The following GRID2 variants were observed in gnomAD, a reference collection of about 807,000 sequenced individuals.
GRID2 encodes the protein glutamate receptor ionotropic, delta-2.
GRID2 carries 33 observed loss-of-function variants against 114.8 expected under a neutral mutation model. The ratio of observed to expected loss-of-function variants is 0.29; its 90% confidence interval spans 0.22 to 0.38. The LOEUF is 0.38. Ranked by LOEUF, GRID2 falls within the 10% of genes least tolerant of loss-of-function variation. The pLI, the probability that GRID2 is intolerant of heterozygous loss-of-function variation, is 1.00. For missense variants in GRID2, 1,184 were observed against 1,257.7 expected (o/e 0.94, Z 0.89); for synonymous variants, 505 against 449.9 (o/e 1.12, Z -1.55).
chr4:93,285,741 C>A (rs1579545870), intron 8 of GRID2, among the ~76,000 whole-genome samples: 1 of 151,920 alleles, frequency 6.6e-6, no homozygotes, highest in African/African-American at 2.4e-5. Context: ...AATTAAAATT[C>A]TGTCTTTTTA....
intron 2 of GRID2, among the ~76,000 whole-genome samples, chr4:92,596,932 T>A (rs1215984315): frequency 6.6e-6 from 1 of 151,990 alleles, no homozygotes; most frequent in Admixed American, 6.6e-5. Context: ...AGGAAAGCTG[T>A]GGATTTTTAA....
chr4:93,108,474 A>G (rs1275630376), intron 3 of GRID2, among the ~76,000 whole-genome samples: 1 of 152,176 alleles, frequency 6.6e-6, no homozygotes, highest in African/African-American at 2.4e-5. Context: ...TTTATTCTCT[A>G]GTCATGCTCT....
chr4:93,622,439 GC>G, intron 13 of GRID2, among the ~76,000 whole-genome samples: 1 of 152,166 alleles, frequency 6.6e-6, no homozygotes, highest in East Asian at 1.9e-4. Flanking sequence ...ATACTCCCAG[GC>G]CTTAAACATC....
chr4:93,037,313 G>T (rs1725020837), intron 2 of GRID2, among the ~76,000 whole-genome samples: 1 of 152,114 alleles, frequency 6.6e-6, no homozygotes, highest in African/African-American at 2.4e-5. Flanking sequence ...CTCTATTAAA[G>T]TTACACAGAC....
At chr4:92,409,672 T>C (rs1156794519) in intron 1 of GRID2, among the ~76,000 whole-genome samples, 1 of 152,152 alleles carries the variant, frequency 6.6e-6, no homozygotes, top group Non-Finnish European at 1.5e-5. Context: ...TAAATACACA[T>C]AATAAAATAT....
At chr4:93,289,781 C>A (rs1481159118) in intron 8 of GRID2, among the ~76,000 whole-genome samples, 1 of 152,044 alleles carries the variant, frequency 6.6e-6, no homozygotes, top group African/African-American at 2.4e-5. Flanking sequence ...GCTTCTTGTT[C>A]CCAGGCCATT....
chr4:92,533,829 A>G (rs1725475129), intron 1 of GRID2, among the ~76,000 whole-genome samples: 2 of 152,108 alleles, frequency 1.3e-5, no homozygotes, highest in Non-Finnish European at 2.9e-5. Flanking sequence ...TAGTAACACC[A>G]CAATCAGCAG....
chr4:92,570,493 A>G (rs1268259393), intron 1 of GRID2, among the ~76,000 whole-genome samples: 1 of 152,132 alleles, frequency 6.6e-6, no homozygotes, highest in Non-Finnish European at 1.5e-5. Flanking sequence ...TCTGTGAAGA[A>G]TGCCAATGTG....
chr4:93,771,743 A>G (rs1445461733), intron 15 of GRID2, among the ~76,000 whole-genome samples: 1 of 152,158 alleles, frequency 6.6e-6, no homozygotes, highest in Non-Finnish European at 1.5e-5. Flanking sequence ...CCAAAACCAT[A>G]CTTTCTATTG....
chr4:92,318,731 C>A (rs1237179926), intron 1 of GRID2, among the ~76,000 whole-genome samples: 3 of 151,942 alleles, frequency 2.0e-5, no homozygotes, highest in Non-Finnish European at 4.4e-5. Flanking sequence ...ACCTCAGCCT[C>A]CCAAAGTGCT....
rs1156545093 is a variant in GRID2 at position 93,477,537 on chromosome 4, A to G, written c.1859-13102A>G. On this transcript the variant is annotated intron_variant, in intron 11 of 15. Coordinates refer to ENST00000282020, the MANE Select transcript of GRID2 (RefSeq NM_001510.4). ...GATATTTAGAAGCTTGTTTAGAAACACTCTCTTAAAACAGATAAAAGAACT... is the reference window on the plus strand; with the variant it reads ...GATATTTAGAAGCTTGTTTAGAAACGCTCTCTTAAAACAGATAAAAGAACT... Among the ~76,000 whole-genome samples, 3 of 152,074 alleles carry G rather than the reference A, an allele frequency of 2.0e-5. No homozygotes were observed. The East Asian group carries it at 5.8e-4, about 29-fold the overall frequency.
chr4:93,785,221 C>A (rs572912013), intron 1 of GRID2, among the ~76,000 whole-genome samples: 11 of 152,172 alleles, frequency 7.2e-5, no homozygotes, highest in Non-Finnish European at 1.5e-4. Context: ...GTACCTTTTA[C>A]AATTGATTCT....
Position 93,238,353 on chromosome 4 carries a change from A to G in GRID2, c.1126-18A>G, listed in dbSNP as rs772284656. 4 of 1,577,562 alleles carry G rather than the reference A, an allele frequency of 2.5e-6. No homozygotes were observed. The highest frequency in any genetic ancestry group is 2.2e-5 in the South Asian group (2 of 88,940). On this transcript the variant is annotated intron_variant, in intron 7 of 15. Transcript: ENST00000282020. ...TTTACTTCTCAAATTTTACATCAGT[A>G]TCTGTTCTCTCCTTTAGGGTGGAGT...
rs141557454 is a variant in GRID2, at chr4:93,619,704, C to A, written c.2194-6565C>A. On this transcript the variant is annotated intron_variant, in intron 13 of 15. Transcript: ENST00000282020. Reference sequence around the variant, plus strand: ...TCAACAGGCCTCGAGGGTCCAGAGTCATATAAACCAAATATTCATTTTTTC... The same window carrying A: ...TCAACAGGCCTCGAGGGTCCAGAGTAATATAAACCAAATATTCATTTTTTC... 4.5e-4 allele frequency among the ~76,000 whole-genome samples: 68 copies of A among 152,304 alleles called. No homozygotes were observed. In the East Asian group the frequency reaches 0.011, roughly 25 times the overall value.
intron 2 of GRID2, among the ~76,000 whole-genome samples, chr4:92,713,423 T>C (rs1373576024): frequency 6.9e-6 from 1 of 144,288 alleles, no homozygotes; most frequent in Non-Finnish European, 1.5e-5. Flanking sequence ...AAGAATAAAA[T>C]TTAAAAAAAT....
At chr4:92,691,752 T>C (rs17019763) in intron 2 of GRID2, among the ~76,000 whole-genome samples, 24,623 of 152,174 alleles carry the variant, frequency 0.16, 2,181 homozygotes, top group East Asian at 0.34. Flanking sequence ...CTAAGCTGTT[T>C]TTGGTTCCCA....
At chr4:93,471,027 A>T (rs1241486886) in intron 11 of GRID2, among the ~76,000 whole-genome samples, 2 of 152,102 alleles carry the variant, frequency 1.3e-5, no homozygotes, top group African/African-American at 2.4e-5. Flanking sequence ...TATAATTAAA[A>T]ATATTTGAAA....
chr4:93,534,445 G>A (rs926723132), intron 13 of GRID2, among the ~76,000 whole-genome samples: 48 of 151,844 alleles, frequency 3.2e-4, no homozygotes, highest in Non-Finnish European at 5.4e-4. Context: ...TATTCTCTTA[G>A]CAAATTTTCA....
intron 14 of GRID2, 100 bp from the exon 15 acceptor site, chr4:93,769,110 C>G (rs1382154436): frequency 5.3e-6 from 6 of 1,128,096 alleles, no homozygotes; most frequent in Non-Finnish European, 7.8e-6. Context: ...TTCCCTTTGA[C>G]AGCCACCATC....
Sources: allele counts gnomAD v4.1 joint callset (sites outside exome capture counted in the v4.1 genomes callset), GRCh38; gene constraint gnomAD v4.1.1; transcripts MANE v1.5; gene names NCBI Gene and HGNC (gene_info 2026-07-23, HGNC 2026-07-21).